Variants in POU6F2 observed in about 807,000 individuals in gnomAD.
POU6F2 encodes the protein POU domain, class 6, transcription factor 2.
A neutral mutation model predicts 71.3 loss-of-function variants in POU6F2; 31 were observed. The observed-to-expected ratio is 0.43, with a 90% CI of 0.33 to 0.59. POU6F2 has a LOEUF of 0.59. POU6F2 is among the 20% of genes least tolerant of loss of function. The probability of loss-of-function intolerance (pLI) is 0.04; values close to 1 mark genes in which losing one functional copy is unlikely to be tolerated. For synonymous variants in POU6F2, 347 were observed against 355.7 expected (o/e 0.98, Z 0.27); for missense variants, 783 against 856.8 (o/e 0.91, Z 1.07).
intron 2 of POU6F2, among the ~76,000 whole-genome samples, chr7:39,120,209 G>A (rs1165218847): frequency 6.6e-6 from 1 of 152,180 alleles, no homozygotes; most frequent in Non-Finnish European, 1.5e-5. Context: ...TCGCTATGCT[G>A]CTCAGGCTGG....
chr7:39,288,417 A>G (rs1193642781), intron 4 of POU6F2, among the ~76,000 whole-genome samples: 1 of 152,206 alleles, frequency 6.6e-6, no homozygotes, highest in African/African-American at 2.4e-5. Flanking sequence ...ACTAATATAG[A>G]GCTTCTAGCA....
intron 5 of POU6F2, among the ~76,000 whole-genome samples, chr7:39,393,650 A>G (rs1196381711): frequency 6.6e-6 from 1 of 152,068 alleles, no homozygotes; most frequent in Non-Finnish European, 1.5e-5. Flanking sequence ...AAAAATATAT[A>G]TCGTATGGCC....
At chr7:39,303,822 C>T (rs1414733768) in intron 4 of POU6F2, among the ~76,000 whole-genome samples, 2 of 152,198 alleles carry the variant, frequency 1.3e-5, no homozygotes, top group Non-Finnish European at 2.9e-5. Context: ...ATTAATTCTT[C>T]TCAGAGGGAA....
chr7:39,139,433 T>A (rs1315754671), intron 2 of POU6F2, among the ~76,000 whole-genome samples: 1 of 152,174 alleles, frequency 6.6e-6, no homozygotes, highest in Non-Finnish European at 1.5e-5. Context: ...CCTGAGTTAT[T>A]TATAGAAACA....
intron 4 of POU6F2, among the ~76,000 whole-genome samples, chr7:39,222,435 T>C (rs1014068891): frequency 8.5e-5 from 13 of 152,196 alleles, no homozygotes; most frequent in Admixed American, 8.5e-4. Context: ...ATCTTAACCA[T>C]TTTTAAGTGT....
chr7:39,397,342 A>T (rs993108788), intron 5 of POU6F2, among the ~76,000 whole-genome samples: 1 of 143,564 alleles, frequency 7.0e-6, no homozygotes, highest in African/African-American at 2.5e-5. Context: ...ATATATATAA[A>T]ATATATAGAC....
chr7:39,027,881 G>A (rs766350894), intron 1 of POU6F2, among the ~76,000 whole-genome samples: 11 of 151,816 alleles, frequency 7.2e-5, no homozygotes, highest in Non-Finnish European at 1.6e-4. Flanking sequence ...TTTCTACCTG[G>A]GGTACAAGTA....
chr7:39,168,755 T>C (rs1398714926), intron 2 of POU6F2, among the ~76,000 whole-genome samples: 1 of 152,150 alleles, frequency 6.6e-6, no homozygotes, highest in Non-Finnish European at 1.5e-5. Flanking sequence ...GAAAGGACGC[T>C]AAAGAAAAAC....
chr7:39,136,759 TGAGAC>T (rs1792396271), intron 2 of POU6F2, among the ~76,000 whole-genome samples: 1 of 151,466 alleles, frequency 6.6e-6, no homozygotes, highest in South Asian at 2.1e-4. Flanking sequence ...TTTGGGAGGC[TGAGAC>T]GGGAGGATCA....
chr7:39,377,572 C>T (rs1583560628), intron 5 of POU6F2, among the ~76,000 whole-genome samples: 1 of 152,338 alleles, frequency 6.6e-6, no homozygotes, highest in South Asian at 2.1e-4. Context: ...GCGTTGACAG[C>T]TTTACAGGAA....
At chr7:39,398,163 C>T (rs574578159) in intron 5 of POU6F2, among the ~76,000 whole-genome samples, 19 of 152,106 alleles carry the variant, frequency 1.2e-4, no homozygotes, top group African/African-American at 4.6e-4. Flanking sequence ...CTCCTTCACT[C>T]GATAAACATT....
chr7:39,025,651 A>C, intron 1 of POU6F2, among the ~76,000 whole-genome samples: 1 of 151,586 alleles, frequency 6.6e-6, no homozygotes, highest in East Asian at 1.9e-4. Context: ...AAACCCTAAA[A>C]GAAAACCTAG....
intron 2 of POU6F2, among the ~76,000 whole-genome samples, chr7:39,176,853 G>T (rs1333209686): frequency 1.3e-5 from 2 of 152,172 alleles, no homozygotes; most frequent in Non-Finnish European, 2.9e-5. Context: ...GCCTTAGTCT[G>T]TTAAAAACTA....
chr7:39,393,043 G>A (rs374627919), intron 5 of POU6F2, among the ~76,000 whole-genome samples: 22 of 152,072 alleles, frequency 1.4e-4, no homozygotes, highest in Non-Finnish European at 2.2e-4. Flanking sequence ...ACCTATGTTC[G>A]GTTTTATTAA....
intron 5 of POU6F2, among the ~76,000 whole-genome samples, chr7:39,391,907 G>A (rs1787082840): frequency 6.6e-6 from 1 of 152,132 alleles, no homozygotes; most frequent in African/African-American, 2.4e-5. Context: ...TGATCATGTT[G>A]GAAAGGCCAC....
chr7:38,986,603 T>C (rs1347036073), intron 1 of POU6F2, among the ~76,000 whole-genome samples: 1 of 152,152 alleles, frequency 6.6e-6, no homozygotes, highest in Non-Finnish European at 1.5e-5. Context: ...AATTCTTATA[T>C]GCACGTGATT....
chr7:39,350,523 T>G (rs1196449093), intron 5 of POU6F2, among the ~76,000 whole-genome samples: 1 of 152,184 alleles, frequency 6.6e-6, no homozygotes, highest in Non-Finnish European at 1.5e-5. Flanking sequence ...TAGTCTGCAC[T>G]CCATGGAAGG....
Position 39,246,905 on chromosome 7 carries a change from C to CTTTTTTTTTTTTTTT in POU6F2, c.598+39294_598+39308dup, listed in dbSNP as rs398004470. Among the ~76,000 whole-genome samples the CTTTTTTTTTTTTTTT allele has an allele frequency of 1.4e-3, 112 of 78,154 alleles. 5 individuals are homozygous for CTTTTTTTTTTTTTTT. Among genetic ancestry groups the CTTTTTTTTTTTTTTT allele is most frequent in the African/African-American group, 5.0e-3 (86 of 17,082 alleles). 51.3% of individuals were successfully genotyped at this position (78,154 alleles called of 152,430 possible). The stretch of plus-strand genomic sequence containing the variant: ...CCAGCTCACCCCAAATCCAGGGTGG[C>CTTTTTTTTTTTTTTT]TTTTTTTTTTTTTTTTTTTTTTTGC... On this transcript the variant is annotated intron_variant, in intron 4 of 9. Coordinates refer to ENST00000518318, the MANE Select transcript of POU6F2 (RefSeq NM_001370959.1).
At chr7:39,069,988 G>C (rs1241256907) in intron 1 of POU6F2, among the ~76,000 whole-genome samples, 1 of 152,076 alleles carries the variant, frequency 6.6e-6, no homozygotes, top group African/African-American at 2.4e-5. Context: ...TGCGCTGGGA[G>C]CTAGTCCAGA....
Sources: allele counts gnomAD v4.1 joint callset (sites outside exome capture counted in the v4.1 genomes callset), GRCh38; gene constraint gnomAD v4.1.1; transcripts MANE v1.5; gene names NCBI Gene and HGNC (gene_info 2026-07-23, HGNC 2026-07-21).